HAUS6: variants seen among roughly 807,000 people sequenced by gnomAD.
The protein encoded by HAUS6 is HAUS augmin like complex subunit 6, also known as HAUS augmin-like complex subunit 6.
HAUS6 carries 80 observed loss-of-function variants against 106.8 expected under a neutral mutation model. The ratio of observed to expected loss-of-function variants is 0.75; its 90% CI spans 0.63 to 0.90. HAUS6 has a LOEUF of 0.90. Among genes scored for constraint, HAUS6 ranks in the 40% least tolerant of loss-of-function variants. The probability of loss-of-function intolerance (pLI) is 0.00; values close to 1 mark genes in which losing one functional copy is unlikely to be tolerated. For missense variants in HAUS6, 1,155 were observed against 1,118.1 expected (o/e 1.03, Z -0.47); for synonymous variants, 356 against 379.1 (o/e 0.94, Z 0.71).
intron 11 of HAUS6, among the ~76,000 whole-genome samples, chr9:19,072,432 G>A (rs1836899827): frequency 6.6e-6 from 1 of 151,834 alleles, no homozygotes; most frequent in Non-Finnish European, 1.5e-5. Flanking sequence ...AGAATTGCTT[G>A]AACCCGGGAG....
chr9:19,089,713 C>A, intron 4 of HAUS6, 154 bp from the exon 5 acceptor site: 1 of 516,500 alleles, frequency 1.9e-6, no homozygotes, highest in Non-Finnish European at 3.4e-6. Context: ...GACTTACAAG[C>A]TAATAAATAC....
intron 7 of HAUS6, among the ~76,000 whole-genome samples, chr9:19,084,848 C>T (rs1293641431): frequency 3.3e-5 from 5 of 151,922 alleles, no homozygotes; most frequent in Non-Finnish European, 7.4e-5. Context: ...GCCAGGCTGG[C>T]CTCAAACTCC....
In HAUS6 at chr9:19,055,617, ATGT is replaced by A; in HGVS notation, c.*723_*725del. On this transcript the variant is annotated 3_prime_UTR_variant, in exon 17 of 17. Transcript: ENST00000380502. ...AAAGTCTAAATTAGACTAAATATAA[ATGT>A]TATACAACCCACTGAATGGATTTAT... The A allele has an allele frequency of 6.6e-6, 1 of 152,230 alleles. No homozygotes were observed. The highest frequency in any genetic ancestry group is 1.5e-5 in the Non-Finnish European group (1 of 68,034). 9.4% of individuals were successfully genotyped at this position (152,230 alleles called of 1,614,324 possible).
At chr9:19,069,301 T>C (rs1227643360) in intron 12 of HAUS6, among the ~76,000 whole-genome samples, 1 of 152,158 alleles carries the variant, frequency 6.6e-6, no homozygotes, top group Non-Finnish European at 1.5e-5. Context: ...AATATTTAGA[T>C]AAAGAATAGA....
intron 16 of HAUS6, chr9:19,057,207 T>C (rs1217631556): frequency 6.6e-6 from 1 of 152,294 alleles, no homozygotes; most frequent in African/African-American, 2.4e-5. Flanking sequence ...ATTACAGATA[T>C]AATTAGCTAA....
At position 19,089,414 on chromosome 9, in the gene HAUS6, T is replaced by C; in HGVS notation, c.582A>G (p.Ala194=). ...DCVTQKYQEN[A]QLSVKQVRNL... Reference sequence around the variant, plus strand: ...CTAACTATCAAGGTACTACTTACTGTGCATTTTCCTGATATTTTTGGGTAA... The same window carrying C: ...CTAACTATCAAGGTACTACTTACTGCGCATTTTCCTGATATTTTTGGGTAA... Residue 194 remains alanine (A), a splice_region_variant and synonymous_variant, in exon 5 of 17, where the codon GCA becomes GCG. Coordinates refer to ENST00000380502, the MANE Select transcript of HAUS6 (RefSeq NM_017645.5). The C allele has an allele frequency of 6.3e-7, 1 of 1,597,076 alleles. No homozygotes were observed. The highest frequency in any genetic ancestry group is 8.6e-7 in the Non-Finnish European group (1 of 1,164,536).
chr9:19,080,298 T>C (rs896142657), intron 9 of HAUS6, among the ~76,000 whole-genome samples, 181 bp downstream of exon 9: 3 of 152,060 alleles, frequency 2.0e-5, no homozygotes, highest in Admixed American at 2.0e-4. Flanking sequence ...ATTTATTCCA[T>C]TAATTTTCCT....
chr9:19,083,124 G>A (rs1837201844), intron 7 of HAUS6, 81 bp from the exon 8 acceptor site: 2 of 681,418 alleles, frequency 2.9e-6, no homozygotes, highest in South Asian at 4.2e-5. Flanking sequence ...TTCACTCTTA[G>A]TAACAAATTT....
chr9:19,056,444 A>G (rs780077552), intron 16 of HAUS6, 40 bp from the exon 17 acceptor site: 2 of 1,108,982 alleles, frequency 1.8e-6, no homozygotes, highest in Non-Finnish European at 2.8e-6. Context: ...AAACATTACA[A>G]AGAAAAATAA....
intron 1 of HAUS6, among the ~76,000 whole-genome samples, chr9:19,100,148 C>T (rs1016417157): frequency 6.6e-6 from 1 of 152,064 alleles, no homozygotes; most frequent in African/African-American, 2.4e-5. Flanking sequence ...GAGTCCAGAT[C>T]GCACCACTGC....
chr9:19,073,270 T>C (rs562493910), intron 11 of HAUS6, among the ~76,000 whole-genome samples: 1 of 152,302 alleles, frequency 6.6e-6, no homozygotes, highest in East Asian at 1.9e-4. Flanking sequence ...TTCTCTGTAC[T>C]TTTAAATATG....
Position 19,093,155 on chromosome 9 carries a change from T to C in HAUS6, c.436+16A>G, listed in dbSNP as rs753102417. 1 of 1,470,908 alleles carries C rather than the reference T, an allele frequency of 6.8e-7. No individual in the cohort carries two copies. Among genetic ancestry groups the C allele is most frequent in the Non-Finnish European group, 9.2e-7 (1 of 1,081,226 alleles). 91.1% of individuals were successfully genotyped at this position (1,470,908 alleles called of 1,614,324 possible). On this transcript the variant is annotated intron_variant, in intron 4 of 16. Transcript: ENST00000380502. ...TTAAGAATCAAAACAAAAAATCTTT[T>C]ATAAGTTGAACTTACTTTTAGAATT...
intron 2 of HAUS6, 59 bp from the exon 3 acceptor site, chr9:19,094,454 C>A: frequency 3.0e-6 from 3 of 984,774 alleles, no homozygotes; most frequent in Non-Finnish European, 3.1e-6. Context: ...AAAAAAAAGC[C>A]TCAGCAAATT....
At position 19,096,715 on chromosome 9, in the gene HAUS6, CA is replaced by C; in HGVS notation, c.182del (p.Leu61CysfsTer37). On this transcript the variant is annotated frameshift_variant, in exon 2 of 17. Transcript: ENST00000380502. LOFTEE classifies it high-confidence loss of function. ...TGAGAGACTGGTCCAGAACTTGAAA[CA>C]AAAAATAAGAAATTATATGAAAGGC... ...RDAFHIISYF[L>X]FQVLDQSLTK... 2 of 1,560,936 alleles carry C rather than the reference CA, an allele frequency of 1.3e-6. No individual in the cohort carries two copies. The highest frequency in any genetic ancestry group is 1.2e-5 in the South Asian group (1 of 84,320).
rs577559151 is a variant in HAUS6, at chr9:19,066,195, C to T, written c.1377-2615G>A. On this transcript the variant is annotated intron_variant, in intron 12 of 16. Transcript: ENST00000380502. ...AGGTGATCTGCCTGCCTCAGCATCC[C>T]AAAGTGCTGGGATTACAGGCATGAG... Among the ~76,000 whole-genome samples the T allele has an allele frequency of 3.3e-5, 5 of 151,842 alleles. No individual in the cohort carries two copies. The South Asian group carries it at 6.2e-4, about 19-fold the overall frequency.
At chr9:19,075,113 T>C (rs543162490) in intron 11 of HAUS6, among the ~76,000 whole-genome samples, 3 of 152,296 alleles carry the variant, frequency 2.0e-5, no homozygotes, top group Admixed American at 6.5e-5. Flanking sequence ...GAAAACGCTA[T>C]GCTAAGTGAA....
chr9:19,059,399 A>T lies in HAUS6; in HGVS notation c.1766-398T>A, dbSNP rs531828941. Among the ~76,000 whole-genome samples the T allele has an allele frequency of 9.2e-5, 14 of 152,348 alleles. No individual in the cohort carries two copies. In the East Asian group the frequency reaches 2.7e-3, roughly 29 times the overall value. On this transcript the variant is annotated intron_variant, in intron 15 of 16. Coordinates refer to ENST00000380502, the MANE Select transcript of HAUS6 (RefSeq NM_017645.5). ...TACTTAACTCTGCCATGATAGCATG[A>T]AAGTAGCCATAAACAATGTCAACAA... is the stretch of plus-strand genomic sequence containing the variant.
intron 4 of HAUS6, among the ~76,000 whole-genome samples, chr9:19,090,632 G>C (rs1357978569): frequency 2.0e-5 from 3 of 152,156 alleles, no homozygotes; most frequent in Non-Finnish European, 4.4e-5. Flanking sequence ...CAAAGTGCTG[G>C]GATTATAGGC....
Position 19,063,534 on chromosome 9 carries a change from T to C in HAUS6, c.1423A>G (p.Ser475Gly). 1 of 1,593,728 alleles carries C rather than the reference T, an allele frequency of 6.3e-7. No individual in the cohort carries two copies. Among genetic ancestry groups the C allele is most frequent in the Non-Finnish European group, 8.6e-7 (1 of 1,161,446 alleles). Residue 475 changes from serine (S) to glycine (G), a missense_variant, in exon 13 of 17, where the codon AGT (serine) becomes GGT (glycine). Transcript: ENST00000380502. Reference protein sequence around the residue: ...SQSVSSSDRNSVTVLEKDTKM... With the variant: ...SQSVSSSDRNGVTVLEKDTKM... The stretch of plus-strand genomic sequence containing the variant: ...TATACCTTTTCAAGTACTGTAACAC[T>C]GTTTCTATCTGATGATGAAACTGAC...
Sources: gnomAD v4.1 joint callset for allele counts (sites outside exome capture counted in the v4.1 genomes callset) on GRCh38, gnomAD v4.1.1 for gene constraint, MANE v1.5 for transcripts, NCBI Gene and HGNC (gene_info 2026-07-23, HGNC 2026-07-21) for gene names.